The following PDE4D variants were observed in gnomAD, a reference collection of about 807,000 sequenced individuals.
PDE4D encodes the protein 3',5'-cyclic-AMP phosphodiesterase 4D.
In PDE4D, 24 loss-of-function variants were observed where a neutral mutation model predicts 87.4. The ratio of observed to expected loss-of-function variants is 0.27; its 90% CI spans 0.20 to 0.39. The LOEUF (loss-of-function observed/expected upper bound fraction) is 0.39, where lower values mean the gene tolerates loss of function less well. PDE4D is among the 10% of genes least tolerant of loss of function. The pLI, the probability that PDE4D is intolerant of heterozygous loss-of-function variation, is 1.00. For synonymous variants in PDE4D, 384 were observed against 383.2 expected (o/e 1.00, Z -0.02); for missense variants, 714 against 1,041.0 (o/e 0.69, Z 4.32).
At chr5:59,672,184 G>A (rs1747327306) in intron 1 of PDE4D, among the ~76,000 whole-genome samples, 1 of 152,150 alleles carries the variant, frequency 6.6e-6, no homozygotes, top group South Asian at 2.1e-4. Flanking sequence ...AGACCACACA[G>A]AAAGAGACTA....
chr5:60,115,905 T>C (rs1280403011), intron 2 of PDE4D, among the ~76,000 whole-genome samples: 2 of 152,090 alleles, frequency 1.3e-5, no homozygotes, highest in Admixed American at 1.3e-4. Context: ...CACATAAGAT[T>C]TTACGTGAAT....
Position 59,400,806 on chromosome 5 carries a change from A to G in PDE4D, c.456-184838T>C, listed in dbSNP as rs534893668. On this transcript the variant is annotated intron_variant, in intron 1 of 14. Coordinates refer to ENST00000340635, the MANE Select transcript of PDE4D (RefSeq NM_001104631.2). ...AGCATTTACCAACTGCATTTTAGAT[A>G]TGAGAGAAAATGCTAATAGTTATTA... Among the ~76,000 whole-genome samples, 10 of 152,326 alleles carry G rather than the reference A, an allele frequency of 6.6e-5. No individual in the cohort carries two copies. In the South Asian group the frequency reaches 1.9e-3, roughly 28 times the overall value.
chr5:59,228,436 C>CA lies in PDE4D; in HGVS notation c.456-12469dup, dbSNP rs201803062. ...ATAAAAGTTAAAATATTAACAACAA[C>CA]AACAAAAAAAAAAAACAAGCAAGCA... On this transcript the variant is annotated intron_variant, in intron 1 of 14. Coordinates refer to ENST00000340635, the MANE Select transcript of PDE4D (RefSeq NM_001104631.2). Among the ~76,000 whole-genome samples, 532 of 107,560 alleles carry CA rather than the reference C, an allele frequency of 4.9e-3. 6 individuals are homozygous for CA. Among genetic ancestry groups the CA allele is most frequent in the East Asian group, 0.039 (173 of 4,452 alleles). 70.6% of individuals were successfully genotyped at this position (107,560 alleles called of 152,430 possible). A position where few individuals can be genotyped will look rare whatever the true frequency, so the allele number is the denominator to read the frequency against.
intron 1 of PDE4D, among the ~76,000 whole-genome samples, chr5:60,296,024 T>C (rs1156341306): frequency 6.6e-6 from 1 of 152,180 alleles, no homozygotes; most frequent in Non-Finnish European, 1.5e-5. Flanking sequence ...CCTCACATGG[T>C]GGAAGAGTTA....
chr5:59,525,421 T>C (rs774987953), intron 1 of PDE4D, among the ~76,000 whole-genome samples: 1 of 152,248 alleles, frequency 6.6e-6, no homozygotes, highest in Non-Finnish European at 1.5e-5. Context: ...ATTTACCCAA[T>C]ACCTGTGCCT....
intron 5 of PDE4D, among the ~76,000 whole-genome samples, chr5:59,056,435 T>C (rs920534296): frequency 2.0e-5 from 3 of 152,040 alleles, no homozygotes; most frequent in Non-Finnish European, 2.9e-5. Context: ...TTGTTTGTTT[T>C]CTTGTGTTTT....
chr5:60,147,778 G>A (rs768846909), intron 2 of PDE4D: 4 of 456,004 alleles, frequency 8.8e-6, no homozygotes, highest in Non-Finnish European at 1.3e-5. Context: ...GTTCCTTGCT[G>A]ACTGTTGGCT....
chr5:60,210,357 T>A (rs2962968), intron 1 of PDE4D, among the ~76,000 whole-genome samples: 99,622 of 151,674 alleles, frequency 0.66, 33,891 homozygotes, highest in African/African-American at 0.81. Context: ...GTTTTTTTTT[T>A]AAAAAAACAA....
rs1302880410 is a variant in PDE4D, at chr5:60,476,322, T to C, written c.-90+11620A>G. Among the ~76,000 whole-genome samples, 3 of 152,184 alleles carry C rather than the reference T, an allele frequency of 2.0e-5. No homozygotes were observed. In the East Asian group the frequency reaches 5.8e-4, roughly 29 times the overall value. On this transcript the variant is annotated intron_variant, in intron 1 of 16. Transcript: ENST00000502484. The stretch of plus-strand genomic sequence containing the variant: ...CACAGGCTCGACTTGGCAGAACTGA[T>C]CACAGTATCTAAATTTGGCTTCTTT...
chr5:59,818,806 A>C (rs1270517733), intron 1 of PDE4D, among the ~76,000 whole-genome samples: 2 of 151,732 alleles, frequency 1.3e-5, no homozygotes, highest in South Asian at 4.2e-4. Flanking sequence ...GGTGCCAAAA[A>C]CTCTTATCAG....
chr5:59,471,847 A>C (rs1387284778), intron 1 of PDE4D, among the ~76,000 whole-genome samples: 1 of 152,232 alleles, frequency 6.6e-6, no homozygotes, highest in African/African-American at 2.4e-5. Context: ...CAAGACCAAC[A>C]GTTACAGCTT....
intron 1 of PDE4D, among the ~76,000 whole-genome samples, chr5:59,840,378 T>C (rs1275302007): frequency 6.6e-6 from 1 of 151,938 alleles, no homozygotes; most frequent in African/African-American, 2.4e-5. Flanking sequence ...ATCATCTGAT[T>C]CCTTTGCTCC....
At chr5:59,330,131 A>G (rs747519967) in intron 1 of PDE4D, among the ~76,000 whole-genome samples, 5 of 152,182 alleles carry the variant, frequency 3.3e-5, no homozygotes, top group Non-Finnish European at 7.4e-5. Flanking sequence ...GATATAAACA[A>G]TTCATGCAAA....
intron 1 of PDE4D, among the ~76,000 whole-genome samples, chr5:59,237,383 CATTAT>C (rs1561782131): frequency 6.6e-6 from 1 of 152,056 alleles, no homozygotes; most frequent in Non-Finnish European, 1.5e-5. Context: ...TCTTTACATC[CATTAT>C]TTTATTTGCA....
chr5:59,336,721 A>G (rs35260), intron 1 of PDE4D, among the ~76,000 whole-genome samples: 89,301 of 152,002 alleles, frequency 0.59, 26,870 homozygotes, highest in African/African-American at 0.71. Flanking sequence ...CCAGGCTTAT[A>G]GTATGAGCTA....
rs1022360693 is a variant in PDE4D, at chr5:59,442,662, T to C, written c.456-226694A>G. ...TTACATTCTACCTTCTCTTAGGAAA[T>C]ATAAAAGTATGTGATTTTAAAGAAA... On this transcript the variant is annotated intron_variant, in intron 1 of 14. Coordinates refer to ENST00000340635, the MANE Select transcript of PDE4D (RefSeq NM_001104631.2). 3.9e-5 allele frequency among the ~76,000 whole-genome samples: 6 copies of C among 152,190 alleles called. No homozygotes were observed. In the South Asian group the frequency reaches 1.0e-3, roughly 26 times the overall value.
At chr5:60,281,344 T>C (rs1751880100) in intron 1 of PDE4D, among the ~76,000 whole-genome samples, 1 of 125,912 alleles carries the variant, frequency 7.9e-6, no homozygotes, top group South Asian at 2.9e-4. Context: ...TCCTTCAGAT[T>C]TCCCTATTTC....
At chr5:59,082,498 G>C (rs1766938440) in intron 5 of PDE4D, among the ~76,000 whole-genome samples, 1 of 151,836 alleles carries the variant, frequency 6.6e-6, no homozygotes, top group Admixed American at 6.6e-5. Context: ...TTATAAGAAA[G>C]GTCAAACATT....
At chr5:60,342,239 G>A (rs1405561793) in intron 1 of PDE4D, among the ~76,000 whole-genome samples, 1 of 152,106 alleles carries the variant, frequency 6.6e-6, no homozygotes, top group Non-Finnish European at 1.5e-5. Context: ...TGAACCAGAT[G>A]CTCTTTAAAA....
Sources: allele counts gnomAD v4.1 joint callset (sites outside exome capture counted in the v4.1 genomes callset), GRCh38; gene constraint gnomAD v4.1.1; transcripts MANE v1.5; gene names NCBI Gene and HGNC (gene_info 2026-07-23, HGNC 2026-07-21).